Variants in ATRN observed in about 807,000 individuals in gnomAD.
ATRN encodes attractin-2.
In ATRN, 54 loss-of-function variants were observed where a neutral mutation model predicts 178.7. That is an observed-to-expected ratio of 0.30 (90% confidence interval 0.24 to 0.38). ATRN has a LOEUF of 0.38. ATRN is among the 10% of genes least tolerant of loss of function. The pLI is 1.00. For synonymous variants in ATRN, 636 were observed against 663.0 expected (o/e 0.96, Z 0.63); for missense variants, 1,443 against 1,815.1 (o/e 0.79, Z 3.73).
At chr20:3,570,996 A>G (rs1028257950) in intron 11 of ATRN, among the ~76,000 whole-genome samples, 2 of 152,236 alleles carry the variant, frequency 1.3e-5, no homozygotes, top group Non-Finnish European at 2.9e-5. Flanking sequence ...CTCAATAGAT[A>G]AATGGCTACA....
At position 3,645,370 on chromosome 20, in the gene ATRN, T is replaced by G. The variant is rs2087099791; in HGVS notation, c.4165+1102T>G. On this transcript the variant is annotated intron_variant, in intron 28 of 28. Transcript: ENST00000262919. This position sits in a 1 kb window ranked among gnomAD's most constrained non-coding sequence, Gnocchi z 4.7. ...CAGGATTCATTGTCTTCATCTCACC[T>G]AGGGATTCCTGTGAGTTGAGCCCCT... Among the ~76,000 whole-genome samples, 1 of 152,240 alleles carries G rather than the reference T, an allele frequency of 6.6e-6. No homozygotes were observed. The highest frequency in any genetic ancestry group is 2.1e-4 in the South Asian group (1 of 4,836).
chr20:3,489,466 A>G lies in ATRN; in HGVS notation c.410+17949A>G. 3.2e-6 allele frequency: 3 copies of G among 931,064 alleles called. No individual in the cohort carries two copies. In the South Asian group the frequency reaches 3.9e-5, roughly 12 times the overall value. 57.7% of individuals were successfully genotyped at this position (931,064 alleles called of 1,614,324 possible). ...CTTTAAGAGAATTTGGTTGGGAGAA[A>G]TAGAAAAAACAGATCTCAGGGAAGC... On this transcript the variant is annotated intron_variant, in intron 1 of 28. Transcript: ENST00000262919.
rs565979882 is a variant in ATRN at position 3,646,939 on chromosome 20, G to C, written c.*92G>C. Reference sequence around the variant, plus strand: ...GGGCGTGGCGGGGAAATGGCTGTGCGGTGCGGGACGGAAGACTGGAAACCC... The same window carrying C: ...GGGCGTGGCGGGGAAATGGCTGTGCCGTGCGGGACGGAAGACTGGAAACCC... On this transcript the variant is annotated 3_prime_UTR_variant, in exon 29 of 29. Transcript: ENST00000262919. 5 of 1,482,768 alleles carry C rather than the reference G, an allele frequency of 3.4e-6. No homozygotes were observed. Among genetic ancestry groups the C allele is most frequent in the Non-Finnish European group, 9.0e-7 (1 of 1,107,264 alleles). 91.9% of individuals were successfully genotyped at this position (1,482,768 alleles called of 1,614,324 possible).
chr20:3,560,947 T>C, intron 8 of ATRN, 42 bp downstream of exon 8: 7 of 1,600,380 alleles, frequency 4.4e-6, no homozygotes, highest in Non-Finnish European at 6.0e-6. Flanking sequence ...GAACATCAGA[T>C]TTAAAACCTC....
chr20:3,536,641 C>A (rs2085537607), intron 2 of ATRN, among the ~76,000 whole-genome samples: 1 of 152,136 alleles, frequency 6.6e-6, no homozygotes, highest in African/African-American at 2.4e-5. Context: ...GAAAAAAACC[C>A]TATATTTAAA....
chr20:3,646,576 G>A (rs559077924), intron 28 of ATRN, 147 bp from the exon 29 acceptor site: 419 of 1,158,898 alleles, frequency 3.6e-4, no homozygotes, highest in Non-Finnish European at 4.6e-4. Flanking sequence ...CCCTGTGTAT[G>A]TGTACCTTTT....
chr20:3,644,116 T>C lies in ATRN; in HGVS notation c.4051-38T>C. On this transcript the variant is annotated intron_variant, in intron 27 of 28. Transcript: ENST00000262919. The stretch of plus-strand genomic sequence containing the variant: ...TAAGTTGTCCGTATACATTAAAGCT[T>C]GAGTATCACTTAAGGTAATTTTGTT... 3 of 1,464,208 alleles carry C rather than the reference T, an allele frequency of 2.0e-6. No homozygotes were observed. In the Admixed American group the frequency reaches 5.0e-5, roughly 25 times the overall value. 90.7% of individuals were successfully genotyped at this position (1,464,208 alleles called of 1,614,324 possible).
Position 3,591,217 on chromosome 20 carries a change from A to C in ATRN, c.3233A>C (p.Glu1078Ala), listed in dbSNP as rs759517325. 2.8e-5 allele frequency: 46 copies of C among 1,614,076 alleles called. No individual in the cohort carries two copies. The highest frequency in any genetic ancestry group is 3.9e-5 in the Non-Finnish European group (46 of 1,180,024). ...HSKCINQSIC[E>A]KCENLTTGKH... The stretch of plus-strand genomic sequence containing the variant: ...AAATGCATCAATCAGAGCATCTGTG[A>C]GAAGTGTGAGAACCTGACCACAGGC... The change falls in exon 19 of 29, where the codon GAG (glutamate) becomes GCG (alanine). Residue 1078 changes from glutamate (E) to alanine (A), a missense_variant. Coordinates refer to ENST00000262919, the MANE Select transcript of ATRN (RefSeq NM_139321.3).
chr20:3,594,511 A>G lies in ATRN; in HGVS notation c.3355A>G (p.Asn1119Asp). 1 of 1,612,576 alleles carries G rather than the reference A, an allele frequency of 6.2e-7. No homozygotes were observed. The highest frequency in any genetic ancestry group is 8.5e-7 in the Non-Finnish European group (1 of 1,178,940). ...GTGCAATGGGCACGCGTCTCTGTGC[A>G]ACACCAACACGGGCAAGTGCTTCTG... ...CKCNGHASLC[N>D]TNTGKCFCTT... Residue 1119 changes from asparagine (N) to aspartate (D), a missense_variant, in exon 20 of 29, where the codon AAC (asparagine) becomes GAC (aspartate). Coordinates refer to ENST00000262919, the MANE Select transcript of ATRN (RefSeq NM_139321.3).
Position 3,584,666 on chromosome 20 carries a change from C to T in ATRN, c.2970C>T (p.Tyr990=), listed in dbSNP as rs757832004. 3.1e-6 allele frequency: 5 copies of T among 1,613,076 alleles called. No individual in the cohort carries two copies. The highest frequency in any genetic ancestry group is 4.2e-6 in the Non-Finnish European group (5 of 1,179,600). The change falls in exon 18 of 29, where the codon TAC becomes TAT. Residue 990 remains tyrosine, a synonymous_variant. Coordinates refer to ENST00000262919, the MANE Select transcript of ATRN (RefSeq NM_139321.3). ...TAATAGCTGAAAATTGTTCAGGCTA[C>T]TGTACCTGTAGTCATTGCTTGGAGC... The part of the protein sequence containing the change: ...STCPPENCSG[Y]CTCSHCLEQP...
At chr20:3,592,012 G>A (rs981700406) in intron 19 of ATRN, among the ~76,000 whole-genome samples, 6 of 152,340 alleles carry the variant, frequency 3.9e-5, no homozygotes, top group Middle Eastern at 3.4e-3. Flanking sequence ...AAAGCCTGTG[G>A]CATTGCCTGT....
intron 11 of ATRN, among the ~76,000 whole-genome samples, chr20:3,569,477 A>G (rs1038181587): frequency 2.0e-5 from 3 of 152,236 alleles, no homozygotes; most frequent in Non-Finnish European, 2.9e-5. Flanking sequence ...GCCACTTACT[A>G]TGAAGAGAGG....
At chr20:3,593,874 T>C (rs926007568) in intron 19 of ATRN, among the ~76,000 whole-genome samples, 1 of 152,098 alleles carries the variant, frequency 6.6e-6, no homozygotes, top group East Asian at 1.9e-4. Flanking sequence ...AAAGGAGAGA[T>C]GTTGAGTTGG....
rs770133140 is a variant in ATRN at position 3,584,850 on chromosome 20, A to C, written c.3154A>C (p.Arg1052=). ...LNSSMCLEDS[R]YNWSFIHCPA... ...TTCCAGCATGTGTCTAGAGGACAGC[A>C]GATACAACTGGTCTTTCATTCACTG... The change falls in exon 18 of 29, where the codon AGA becomes CGA. Residue 1052 remains arginine (R), a synonymous_variant. Coordinates refer to ENST00000262919, the MANE Select transcript of ATRN (RefSeq NM_139321.3). 1.2e-6 allele frequency: 2 copies of C among 1,614,066 alleles called. No individual in the cohort carries two copies. The highest frequency in any genetic ancestry group is 1.3e-5 in the African/African-American group (1 of 74,926).
At chr20:3,640,714 C>A (rs2087060958) in intron 27 of ATRN, among the ~76,000 whole-genome samples, 1 of 152,176 alleles carries the variant, frequency 6.6e-6, no homozygotes. Flanking sequence ...ACCACTATTC[C>A]CCCCAGAATT....
At chr20:3,601,291 G>C (rs898181128) in intron 23 of ATRN, among the ~76,000 whole-genome samples, 2 of 152,088 alleles carry the variant, frequency 1.3e-5, no homozygotes, top group Non-Finnish European at 2.9e-5. Context: ...AGCTTGCTGT[G>C]GTGTCAGGCT....
intron 15 of ATRN, among the ~76,000 whole-genome samples, chr20:3,579,286 GAC>G (rs2086251519): frequency 6.6e-6 from 1 of 152,128 alleles, no homozygotes. Flanking sequence ...AGGAGTTCAA[GAC>G]CAGCCTGACC....
Position 3,634,342 on chromosome 20 carries a change from G to A in ATRN, c.3895G>A (p.Val1299Met), listed in dbSNP as rs2087010294. The A allele has an allele frequency of 1.2e-6, 2 of 1,612,772 alleles. No individual in the cohort carries two copies. Among genetic ancestry groups the A allele is most frequent in the Non-Finnish European group, 8.5e-7 (1 of 1,179,066 alleles). The change falls in exon 26 of 29, where the codon GTG becomes ATG. Residue 1299 changes from valine to methionine, a missense_variant. Val to Met is a conservative substitution (Grantham distance 21). Around this residue, in one of 4 missense-constraint regions of ATRN, gnomAD observed 289 missense variants for 440.8 expected, o/e 0.66. Coordinates refer to ENST00000262919, the MANE Select transcript of ATRN (RefSeq NM_139321.3). ...CFLSLLLVAA[V>M]VWKIKQSCWA... is the part of the protein sequence containing the mutation. ...CCTCTCTTTGCTCCTGGTGGCTGCTGTGGTTTGGAAGATCAAACAAAGTTG... is the reference window on the plus strand; with the variant it reads ...CCTCTCTTTGCTCCTGGTGGCTGCTATGGTTTGGAAGATCAAACAAAGTTG...
chr20:3,588,981 GTTTTTTTT>G (rs386393128), intron 18 of ATRN, among the ~76,000 whole-genome samples: 6 of 99,776 alleles, frequency 6.0e-5, no homozygotes, highest in African/African-American at 2.3e-4. Flanking sequence ...ATTTTCTTTT[GTTTTTTTT>G]TTTTTTTTTT....
Sources: gnomAD v4.1 joint callset for allele counts (sites outside exome capture counted in the v4.1 genomes callset) on GRCh38, gnomAD v4.1.1 for gene constraint, gnomAD v4.1.1 regional missense constraint, Gnocchi (gnomAD v3.1) non-coding constraint, MANE v1.5 for transcripts, NCBI Gene and HGNC (gene_info 2026-07-23, HGNC 2026-07-21) for gene names.